The following TFPI variants were observed in gnomAD, a reference collection of about 807,000 sequenced individuals.
TFPI encodes the protein anti-convertin.
TFPI carries 15 observed loss-of-function variants against 34.6 expected under a neutral mutation model. The ratio of observed to expected loss-of-function variants is 0.43; its 90% CI spans 0.29 to 0.67. The LOEUF is 0.67. Ranked by LOEUF, TFPI falls within the 30% of genes least tolerant of loss-of-function variation. The pLI, the probability that TFPI is intolerant of heterozygous loss-of-function variation, is 0.15. For missense variants in TFPI, 301 were observed against 364.0 expected (o/e 0.83, Z 1.41); for synonymous variants, 105 against 120.1 (o/e 0.87, Z 0.82).
At chr2:187,533,490 AAACT>A (rs1338464000) in intron 1 of TFPI, among the ~76,000 whole-genome samples, 1 of 152,222 alleles carries the variant, frequency 6.6e-6, no homozygotes, top group Non-Finnish European at 1.5e-5. Flanking sequence ...GTTAAAAGGA[AAACT>A]AACAAACAGA....
chr2:187,550,161 C>T (rs1689044005), intron 1 of TFPI, among the ~76,000 whole-genome samples: 1 of 151,980 alleles, frequency 6.6e-6, no homozygotes, highest in Non-Finnish European at 1.5e-5. Flanking sequence ...AAAGAAAGAT[C>T]CAGAGATCTT....
At chr2:187,482,564 A>G (rs1692950335) in intron 6 of TFPI, among the ~76,000 whole-genome samples, 1 of 152,054 alleles carries the variant, frequency 6.6e-6, no homozygotes, top group African/African-American at 2.4e-5. Flanking sequence ...TTTTGAATAT[A>G]TCGTATTTTC....
intron 1 of TFPI, among the ~76,000 whole-genome samples, chr2:187,540,661 G>A (rs569183326): frequency 3.3e-5 from 5 of 152,090 alleles, no homozygotes; most frequent in Admixed American, 2.6e-4. Context: ...AGGCCAAAGC[G>A]GGCAGATCAC....
At chr2:187,525,359 G>A (rs927644296) in intron 1 of TFPI, among the ~76,000 whole-genome samples, 1 of 152,084 alleles carries the variant, frequency 6.6e-6, no homozygotes, top group African/African-American at 2.4e-5. Context: ...CATCTGGAAA[G>A]CATTCTGCCT....
At chr2:187,547,484 G>T (rs1451681167) in intron 1 of TFPI, 1 of 152,048 alleles carries the variant, frequency 6.6e-6, no homozygotes, top group Non-Finnish European at 1.5e-5. Context: ...ATCTGGGAGG[G>T]GTCTGAGTTT....
At chr2:187,509,802 T>C (rs536062913) in intron 1 of TFPI, among the ~76,000 whole-genome samples, 34 of 152,342 alleles carry the variant, frequency 2.2e-4, no homozygotes, top group Admixed American at 2.2e-3. Flanking sequence ...CCTTCAGTTC[T>C]GCTTTGATCT....
chr2:187,511,760 C>A (rs147385423), intron 1 of TFPI, among the ~76,000 whole-genome samples: 2 of 151,944 alleles, frequency 1.3e-5, no homozygotes, highest in Non-Finnish European at 2.9e-5. Context: ...TTAGATCCGC[C>A]TCACAGTGGT....
At chr2:187,495,842 T>G (rs1260771456) in intron 3 of TFPI, among the ~76,000 whole-genome samples, 1 of 152,130 alleles carries the variant, frequency 6.6e-6, no homozygotes, top group Non-Finnish European at 1.5e-5. Context: ...GAACATGCTA[T>G]GGTAGAATAT....
In TFPI at chr2:187,474,699, A is replaced by G. The variant is rs8176553; in HGVS notation, c.629-6767T>C. Among the ~76,000 whole-genome samples, 504 of 152,302 alleles carry G rather than the reference A, an allele frequency of 3.3e-3. 3 individuals carry two copies. Among genetic ancestry groups the G allele is most frequent in the African/African-American group, 0.012 (483 of 41,586 alleles). ...AATTTGGGCAGGTAGAGAGCTAGAG[A>G]TGAAATAATTCTAGTGTTTCTACAT... On this transcript the variant is annotated intron_variant, in intron 6 of 7. Transcript: ENST00000233156.
At chr2:187,470,168 C>T (rs949246982) in intron 6 of TFPI, among the ~76,000 whole-genome samples, 1 of 152,114 alleles carries the variant, frequency 6.6e-6, no homozygotes, top group African/African-American at 2.4e-5. Context: ...ATCAATTTCA[C>T]TTTAGCATTT....
rs531669431 is a variant in TFPI at position 187,478,995 on chromosome 2, T to C, written c.628+5129A>G. Among the ~76,000 whole-genome samples the C allele has an allele frequency of 2.6e-5, 4 of 151,604 alleles. No individual in the cohort carries two copies. The East Asian group carries it at 5.8e-4, about 22-fold the overall frequency. On this transcript the variant is annotated intron_variant, in intron 6 of 7. Transcript: ENST00000233156. ...AATAGTACAAGTATTGAAGGAATCA[T>C]AGTAAGAAGCCAGGGGAGAGAGACA...
chr2:187,516,198 C>A (rs908749654), intron 1 of TFPI: 1 of 152,194 alleles, frequency 6.6e-6, no homozygotes, highest in African/African-American at 2.4e-5. Context: ...TTGCTAGCAG[C>A]TGAAGAAGTA....
intron 1 of TFPI, among the ~76,000 whole-genome samples, chr2:187,524,607 A>AGAT (rs1687586376): frequency 6.6e-6 from 1 of 152,094 alleles, no homozygotes; most frequent in Admixed American, 6.6e-5. Flanking sequence ...GCGGCAGTAC[A>AGAT]GATCTTTGGA....
chr2:187,494,237 T>G (rs1215999108), intron 3 of TFPI, among the ~76,000 whole-genome samples: 1 of 135,900 alleles, frequency 7.4e-6, no homozygotes, highest in Non-Finnish European at 1.5e-5. Context: ...CCACAACATA[T>G]GGGAATTATG....
At chr2:187,548,637 T>G (rs1210679731) in intron 1 of TFPI, among the ~76,000 whole-genome samples, 1 of 152,076 alleles carries the variant, frequency 6.6e-6, no homozygotes, top group Non-Finnish European at 1.5e-5. Flanking sequence ...GATGATAATA[T>G]CGAATGCAGG....
chr2:187,480,957 C>T (rs1692810365), intron 6 of TFPI, among the ~76,000 whole-genome samples: 1 of 151,636 alleles, frequency 6.6e-6, no homozygotes, highest in Admixed American at 6.6e-5. Context: ...TTACAACATT[C>T]CAGTAATTAA....
intron 6 of TFPI, among the ~76,000 whole-genome samples, chr2:187,479,496 T>C (rs114006673): frequency 0.038 from 5,567 of 145,718 alleles, 162 homozygotes; most frequent in South Asian, 0.11. Flanking sequence ...TACAGCCTGG[T>C]TTGCCTAAGC....
intron 1 of TFPI, chr2:187,519,982 G>A (rs1462158735): frequency 6.6e-6 from 1 of 152,220 alleles, no homozygotes; most frequent in Non-Finnish European, 1.5e-5. Context: ...CTCAGTAATG[G>A]TGGACGCCCC....
intron 1 of TFPI, among the ~76,000 whole-genome samples, chr2:187,540,138 G>A (rs956867137): frequency 6.6e-6 from 1 of 152,008 alleles, no homozygotes; most frequent in African/African-American, 2.4e-5. Flanking sequence ...CCTGAGCTCA[G>A]GCAATCCACC....
Sources: allele counts gnomAD v4.1 joint callset (sites outside exome capture counted in the v4.1 genomes callset), GRCh38; gene constraint gnomAD v4.1.1; transcripts MANE v1.5; gene names NCBI Gene and HGNC (gene_info 2026-07-23, HGNC 2026-07-21).